TEX48: variants seen among roughly 807,000 people sequenced by gnomAD.
TEX48 encodes the protein testis-expressed protein 48.
A neutral mutation model predicts 13.2 loss-of-function variants in TEX48; 10 were observed. The observed-to-expected ratio is 0.75, with a 90% CI of 0.47 to 1.28. TEX48 has a LOEUF of 1.28. Among genes scored for constraint, TEX48 ranks in the 50% most tolerant of loss-of-function variants. The pLI, the probability that TEX48 is intolerant of heterozygous loss-of-function variation, is 0.00. For synonymous variants in TEX48, 45 were observed against 52.3 expected (o/e 0.86, Z 0.60); for missense variants, 116 against 139.4 (o/e 0.83, Z 0.84).
At chr9:114,675,754 C>A (rs1828047920) in intron 1 of TEX48, among the ~76,000 whole-genome samples, 1 of 152,244 alleles carries the variant, frequency 6.6e-6, no homozygotes. Flanking sequence ...TTTGTGATCA[C>A]CACTGTTATT....
chr9:114,668,455 G>A (rs1827882867), intron 3 of TEX48, 118 bp from the exon 4 acceptor site: 2 of 835,358 alleles, frequency 2.4e-6, no homozygotes, highest in Non-Finnish European at 3.9e-6. Flanking sequence ...ATTATGGGGT[G>A]GGGGTGTACC....
At chr9:114,674,611 T>TTCCC (rs1828021066) in intron 1 of TEX48, among the ~76,000 whole-genome samples, 1 of 25,226 alleles carries the variant, frequency 4.0e-5, no homozygotes, top group Non-Finnish European at 1.0e-4. Flanking sequence ...CTTTCCTTCC[T>TTCCC]TCCTTCCTTC....
At chr9:114,680,120 CCTTTTTTTTTTT>C (rs1828161614) in intron 1 of TEX48, among the ~76,000 whole-genome samples, 2 of 52,126 alleles carry the variant, frequency 3.8e-5, no homozygotes, top group South Asian at 1.1e-3. Flanking sequence ...TGTCATTGTC[CCTTTTTTTTTTT>C]TTTTTTTTTT....
chr9:114,679,957 C>T (rs547495358), intron 1 of TEX48, among the ~76,000 whole-genome samples: 3 of 152,142 alleles, frequency 2.0e-5, no homozygotes, highest in South Asian at 2.1e-4. Context: ...CTAACACTCC[C>T]GTTGTGCCTG....
intron 4 of TEX48, among the ~76,000 whole-genome samples, chr9:114,667,082 C>A (rs1297199110): frequency 6.6e-6 from 1 of 152,198 alleles, no homozygotes; most frequent in Non-Finnish European, 1.5e-5. Context: ...CCTCTGTGAG[C>A]CTCACCCCTA....
At chr9:114,667,449 C>T (rs1827861827) in intron 4 of TEX48, among the ~76,000 whole-genome samples, 1 of 152,182 alleles carries the variant, frequency 6.6e-6, no homozygotes, top group South Asian at 2.1e-4. Context: ...GAACTACACT[C>T]AATCCACAAG....
chr9:114,671,584 G>A (rs1427264310), intron 2 of TEX48, 79 bp from the exon 3 acceptor site: 4 of 1,525,122 alleles, frequency 2.6e-6, no homozygotes, highest in Non-Finnish European at 3.5e-6. Context: ...ACTGTGGTGG[G>A]GGTATCATTG....
chr9:114,679,292 A>G (rs1014564894), intron 1 of TEX48, among the ~76,000 whole-genome samples: 2 of 149,658 alleles, frequency 1.3e-5, no homozygotes, highest in East Asian at 3.9e-4. Context: ...CTTTTGACCT[A>G]CTAGATAAAA....
chr9:114,671,531 C>A (rs1199086792), intron 2 of TEX48, 26 bp from the exon 3 acceptor site: 1 of 1,534,658 alleles, frequency 6.5e-7, no homozygotes, highest in Non-Finnish European at 8.7e-7. Context: ...GAATGAGGGG[C>A]ATGGGTTCCG....
Position 114,668,275 on chromosome 9 carries a change from G to A in TEX48, c.190C>T (p.His64Tyr), listed in dbSNP as rs777468715. ...QNPKRINAVS[H>Y]LPSRTPLIQT... ...ATCAGGGGTGTTCTCGAAGGCAAAT[G>A]GGAGACTGCGTTAATGCGCTTGGGA... is the stretch of plus-strand genomic sequence containing the variant. The change falls in exon 4 of 5, where the codon CAT becomes TAT. Residue 64 changes from histidine to tyrosine, a missense_variant. Physicochemically the swap from His to Tyr is moderately conservative, Grantham distance 83. Coordinates refer to ENST00000436752, the MANE Select transcript of TEX48 (RefSeq NM_001199233.2). 20 of 1,535,634 alleles carry A rather than the reference G, an allele frequency of 1.3e-5. No homozygotes were observed. Among genetic ancestry groups the A allele is most frequent in the Non-Finnish European group, 1.7e-5 (20 of 1,146,842 alleles).
chr9:114,668,113 C>A, intron 4 of TEX48, 93 bp downstream of exon 4: 4 of 1,463,240 alleles, frequency 2.7e-6, no homozygotes, highest in Non-Finnish European at 3.7e-6. Flanking sequence ...CCCCATCTCG[C>A]TTAGCTGAAG....
Position 114,671,729 on chromosome 9 carries a change from G to A in TEX48, c.-6C>T. On this transcript the variant is annotated 5_prime_UTR_variant, in exon 2 of 5. Transcript: ENST00000436752. ...TACAAAGTTTTCTTACCCATGGAAA[G>A]GAGTTGAAACTTCTACTCTGCCAGC... The A allele has an allele frequency of 6.5e-7, 1 of 1,535,680 alleles. No individual in the cohort carries two copies. Among genetic ancestry groups the A allele is most frequent in the Non-Finnish European group, 8.7e-7 (1 of 1,146,894 alleles).
chr9:114,670,761 T>C (rs7847092), intron 3 of TEX48, among the ~76,000 whole-genome samples: 56,754 of 152,000 alleles, frequency 0.37, 10,655 homozygotes, highest in Admixed American at 0.42. Flanking sequence ...ATTTCAAGGC[T>C]TATTTGTTTC....
chr9:114,676,474 T>G (rs1828067006), intron 1 of TEX48, among the ~76,000 whole-genome samples: 1 of 151,876 alleles, frequency 6.6e-6, no homozygotes, highest in Non-Finnish European at 1.5e-5. Context: ...CAGCCAAGCT[T>G]TTTTCTTTTT....
At chr9:114,680,176 G>A (rs1254638513) in intron 1 of TEX48, among the ~76,000 whole-genome samples, 1 of 129,898 alleles carries the variant, frequency 7.7e-6, no homozygotes, top group African/African-American at 2.9e-5. Flanking sequence ...TGCCAGGGTT[G>A]GAGTGCAATG....
At chr9:114,667,760 A>G (rs1328063580) in intron 4 of TEX48, among the ~76,000 whole-genome samples, 1 of 152,070 alleles carries the variant, frequency 6.6e-6, no homozygotes. Context: ...TTAACCAGGC[A>G]TGTTGGTGGG....
At chr9:114,673,671 TAGAG>T (rs1408221894) in intron 1 of TEX48, among the ~76,000 whole-genome samples, 10 of 151,616 alleles carry the variant, frequency 6.6e-5, no homozygotes, top group Non-Finnish European at 1.0e-4. Flanking sequence ...TAAACAAAAA[TAGAG>T]AGAATTTGTC....
intron 1 of TEX48, among the ~76,000 whole-genome samples, chr9:114,674,002 C>G (rs1828002456): frequency 6.6e-6 from 1 of 151,750 alleles, no homozygotes; most frequent in Admixed American, 6.6e-5. Context: ...GACGTGGTCT[C>G]CCTATATAGC....
At chr9:114,675,327 A>G (rs997946702) in intron 1 of TEX48, among the ~76,000 whole-genome samples, 2 of 152,118 alleles carry the variant, frequency 1.3e-5, no homozygotes, top group African/African-American at 4.8e-5. Context: ...TCATGAGTCA[A>G]TTTTAGTTCT....
Sources: allele counts gnomAD v4.1 joint callset (sites outside exome capture counted in the v4.1 genomes callset), GRCh38; gene constraint gnomAD v4.1.1; transcripts MANE v1.5; gene names NCBI Gene and HGNC (gene_info 2026-07-23, HGNC 2026-07-21).